CRLF2: variants seen among roughly 807,000 people sequenced by gnomAD.
CRLF2 encodes cytokine receptor like factor 2, also known as cytokine receptor-like factor 2.
CRLF2 carries 41 observed loss-of-function variants against 38.7 expected under a neutral mutation model. The observed-to-expected ratio is 1.06, with a 90% CI of 0.83 to 1.37. CRLF2 has a LOEUF of 1.37. Among genes scored for constraint, CRLF2 ranks in the 40% most tolerant of loss-of-function variants. The pLI, the probability that CRLF2 is intolerant of heterozygous loss-of-function variation, is 0.00. For missense variants in CRLF2, 377 were observed against 322.2 expected (o/e 1.17, Z -1.30); for synonymous variants, 140 against 128.8 (o/e 1.09, Z -0.59).
chrX:1,206,297 G>T (rs541985550), intron 3 of CRLF2, 136 bp downstream of exon 3: 38 of 758,600 alleles, frequency 5.0e-5, no homozygotes, highest in African/African-American at 3.3e-4. Context: ...GTACTGAAAG[G>T]CATGGTGAGC....
intron 7 of CRLF2, among the ~76,000 whole-genome samples, 194 bp from the exon 8 acceptor site, chrX:1,191,354 T>TTCCTTCCTTCCTTCCTTCC (rs2086376270): frequency 9.3e-6 from 1 of 108,026 alleles, no homozygotes; most frequent in African/African-American, 3.3e-5. Context: ...TCCTTCTTTC[T>TTCCTTCCTTCCTTCCTTCC]TTCTTTCCTT....
chrX:1,200,250 A>G (rs1433679943), intron 4 of CRLF2, among the ~76,000 whole-genome samples: 2 of 151,498 alleles, frequency 1.3e-5, no homozygotes, highest in Non-Finnish European at 3.0e-5. Context: ...AAATATGTGT[A>G]TATAAGCTGT....
intron 7 of CRLF2, among the ~76,000 whole-genome samples, chrX:1,192,769 C>CT (rs1180671974): frequency 2.0e-5 from 2 of 101,102 alleles, no homozygotes; most frequent in Admixed American, 1.4e-4. Context: ...TCTTTCTTTC[C>CT]TTCCTTCCTC....
At chrX:1,209,200 C>T (rs1432636466) in intron 1 of CRLF2, among the ~76,000 whole-genome samples, 4 of 151,994 alleles carry the variant, frequency 2.6e-5, no homozygotes, top group Admixed American at 2.0e-4. Flanking sequence ...ATCTCCTGAC[C>T]TCATGATCCA....
chrX:1,197,246 C>G (rs1314288931), intron 5 of CRLF2, among the ~76,000 whole-genome samples: 1 of 151,346 alleles, frequency 6.6e-6, no homozygotes. Context: ...GCATCCGCCA[C>G]CACACCGGGC....
chrX:1,209,335 TGTAG>T, intron 1 of CRLF2, among the ~76,000 whole-genome samples: 1 of 148,326 alleles, frequency 6.7e-6, no homozygotes, highest in Admixed American at 6.7e-5. Flanking sequence ...TGTAGTGTAG[TGTAG>T]TGTATTGTGT....
intron 1 of CRLF2, among the ~76,000 whole-genome samples, chrX:1,211,553 G>A (rs1287886584): frequency 1.8e-4 from 8 of 45,594 alleles, no homozygotes; most frequent in South Asian, 1.0e-3. Flanking sequence ...GGATGGATGG[G>A]TGGATGGATG....
At chrX:1,207,089 G>C (rs2086704246) in intron 2 of CRLF2, among the ~76,000 whole-genome samples, 2 of 150,984 alleles carry the variant, frequency 1.3e-5, no homozygotes, top group Admixed American at 1.3e-4. Context: ...GGGATTACGG[G>C]CACGCACCAC....
At chrX:1,201,757 A>G (rs2086612801) in intron 4 of CRLF2, among the ~76,000 whole-genome samples, 1 of 152,036 alleles carries the variant, frequency 6.6e-6, no homozygotes, top group Non-Finnish European at 1.5e-5. Flanking sequence ...ATAGATAGAT[A>G]AATACATAGA....
At chrX:1,210,238 T>C (rs28413954) in intron 1 of CRLF2, among the ~76,000 whole-genome samples, 60,295 of 151,538 alleles carry the variant, frequency 0.4, 12,495 homozygotes, top group African/African-American at 0.5. Flanking sequence ...TCTGGGTTTG[T>C]AATTCCGAAC....
chrX:1,206,237 G>T (rs2086689104), intron 3 of CRLF2, among the ~76,000 whole-genome samples, 196 bp downstream of exon 3: 1 of 151,842 alleles, frequency 6.6e-6, no homozygotes, highest in African/African-American at 2.4e-5. Context: ...TTGATCCCGC[G>T]ACTGGCTGGA....
chrX:1,202,210 AC>A, intron 4 of CRLF2, among the ~76,000 whole-genome samples, 191 bp downstream of exon 4: 1 of 152,182 alleles, frequency 6.6e-6, no homozygotes, highest in Non-Finnish European at 1.5e-5. Context: ...TTCTCTGGAG[AC>A]CCCTCAGAGA....
intron 3 of CRLF2, among the ~76,000 whole-genome samples, chrX:1,205,619 T>C (rs2147847668): frequency 6.6e-6 from 1 of 150,380 alleles, no homozygotes; most frequent in East Asian, 2.0e-4. Flanking sequence ...TGGATCCGGT[T>C]ATTTGCATGA....
intron 1 of CRLF2, among the ~76,000 whole-genome samples, 155 bp downstream of exon 1, chrX:1,212,401 A>G (rs1201843127): frequency 7.0e-6 from 1 of 143,652 alleles, no homozygotes; most frequent in Non-Finnish European, 1.5e-5. Flanking sequence ...CTGAGGCAGG[A>G]GAATTGCTTG....
intron 4 of CRLF2, among the ~76,000 whole-genome samples, chrX:1,200,274 A>C (rs1220145532): frequency 7.3e-5 from 11 of 151,434 alleles, no homozygotes; most frequent in African/African-American, 2.7e-4. Flanking sequence ...TATAAGGTGC[A>C]TATATATGTG....
At chrX:1,193,168 G>T in intron 7 of CRLF2, 50 bp downstream of exon 7, 1 of 398,410 alleles carries the variant, frequency 2.5e-6, no homozygotes, top group Non-Finnish European at 4.4e-6. Context: ...GCAGGCAGAG[G>T]GGCACCTGCT....
chrX:1,196,543 G>A (rs1401444895), intron 6 of CRLF2, among the ~76,000 whole-genome samples: 2 of 151,336 alleles, frequency 1.3e-5, no homozygotes, highest in South Asian at 2.1e-4. Context: ...GGCTGGTCTC[G>A]AACTCGTGAC....
intron 7 of CRLF2, among the ~76,000 whole-genome samples, chrX:1,192,208 A>AC (rs1309733916): frequency 7.5e-6 from 1 of 133,428 alleles, no homozygotes; most frequent in East Asian, 2.4e-4. Flanking sequence ...CCGTCTCAAA[A>AC]AAAAAAAAAA....
chrX:1,205,456 G>A (rs1489135583), intron 3 of CRLF2, among the ~76,000 whole-genome samples: 1 of 151,588 alleles, frequency 6.6e-6, no homozygotes, highest in Non-Finnish European at 1.5e-5. Context: ...GCTGAAGGAA[G>A]TACTGAAAAG....
Sources: gnomAD v4.1 joint callset for allele counts (sites outside exome capture counted in the v4.1 genomes callset) on GRCh38, gnomAD v4.1.1 for gene constraint, MANE v1.5 for transcripts, NCBI Gene and HGNC (gene_info 2026-07-23, HGNC 2026-07-21) for gene names.